The following DPH7 variants were observed in gnomAD, a reference collection of about 807,000 sequenced individuals.
DPH7 encodes diphthine methyltransferase.
A neutral mutation model predicts 41.7 loss-of-function variants in DPH7; 44 were observed. The ratio of observed to expected loss-of-function variants is 1.05; its 90% CI spans 0.83 to 1.36. The LOEUF (loss-of-function observed/expected upper bound fraction) is 1.36, where lower values mean the gene tolerates loss of function less well. Ranked by LOEUF, DPH7 falls within the 40% of genes most tolerant of loss-of-function variation. The pLI is 0.00. For missense variants in DPH7, 629 were observed against 577.5 expected (o/e 1.09, Z -0.91); for synonymous variants, 275 against 238.0 (o/e 1.16, Z -1.43).
Position 137,574,263 on chromosome 9 carries a change from T to C in DPH7, c.585A>G (p.Gln195=), listed in dbSNP as rs777710974. The C allele has an allele frequency of 6.2e-6, 10 of 1,614,148 alleles. No homozygotes were observed. The highest frequency in any genetic ancestry group is 1.3e-5 in the African/African-American group (1 of 75,046). Residue 195 remains glutamine, a synonymous_variant, in exon 5 of 9, where the codon CAA becomes CAG. Transcript: ENST00000277540. Reference sequence around the variant, plus strand: ...TGAAAGCAGCAATCCAGGCCTCGAATTGATGTGCCTGCCATGAGGCCACTT... The same window carrying C: ...TGAAAGCAGCAATCCAGGCCTCGAACTGATGTGCCTGCCATGAGGCCACTT... ...LQKVASWQAH[Q]FEAWIAAFNY...
rs776378756 is a variant in DPH7 at position 137,577,521 on chromosome 9, G to A, written c.236C>T (p.Pro79Leu). 1.2e-6 allele frequency: 2 copies of A among 1,614,072 alleles called. No individual in the cohort carries two copies. The highest frequency in any genetic ancestry group is 1.7e-5 in the Admixed American group (1 of 60,030). ...YSFNDNNSIH[P>L]LVEVQRKDTS... Reference sequence around the variant, plus strand: ...ATCTTTTCTTTGGACCTCGACCAGAGGGTGAATAGAGTTGTTGTCATTGAA... The same window carrying A: ...ATCTTTTCTTTGGACCTCGACCAGAAGGTGAATAGAGTTGTTGTCATTGAA... Residue 79 changes from proline to leucine, a missense_variant, in exon 2 of 9, where the codon CCT (proline) becomes CTT (leucine). Transcript: ENST00000277540.
intron 4 of DPH7, 129 bp from the exon 5 acceptor site, chr9:137,574,509 G>A (rs1235077678): frequency 9.9e-6 from 10 of 1,013,944 alleles, no homozygotes; most frequent in Admixed American, 8.0e-5. Context: ...AGAGACTGGC[G>A]GCTAAGATCA....
chr9:137,568,971 G>A (rs906504529), intron 5 of DPH7, among the ~76,000 whole-genome samples: 13 of 152,204 alleles, frequency 8.5e-5, no homozygotes, highest in Admixed American at 5.2e-4. Flanking sequence ...TCCACACCAT[G>A]CACCTGAAAG....
At chr9:137,559,216 G>C (rs1218423887) in intron 8 of DPH7, among the ~76,000 whole-genome samples, 1 of 152,180 alleles carries the variant, frequency 6.6e-6, no homozygotes, top group African/African-American at 2.4e-5. Context: ...TAGGAGCTGA[G>C]GGGACATAGT....
intron 2 of DPH7, 142 bp from the exon 3 acceptor site, chr9:137,576,309 CT>C (rs1201544830): frequency 1.5e-6 from 1 of 673,404 alleles, no homozygotes; most frequent in Non-Finnish European, 2.6e-6. Flanking sequence ...TACTACACAC[CT>C]TGATTATATG....
intron 6 of DPH7, 58 bp from the exon 7 acceptor site, chr9:137,565,016 G>A (rs893727225): frequency 1.2e-5 from 20 of 1,609,306 alleles, no homozygotes; most frequent in South Asian, 7.7e-5. Context: ...CCCAGGGAAC[G>A]GGAGGGCTGG....
At chr9:137,568,897 A>G (rs1839897691) in intron 5 of DPH7, among the ~76,000 whole-genome samples, 1 of 152,132 alleles carries the variant, frequency 6.6e-6, no homozygotes, top group East Asian at 1.9e-4. Flanking sequence ...GCTTCTAAGA[A>G]GAAGAGTTGC....
chr9:137,563,350 G>A (rs1838950512), intron 8 of DPH7, among the ~76,000 whole-genome samples: 1 of 151,938 alleles, frequency 6.6e-6, no homozygotes, highest in South Asian at 2.1e-4. Flanking sequence ...GACCAACATG[G>A]TGAACCCCCC....
chr9:137,571,195 T>A lies in DPH7; in HGVS notation c.640+3013A>T, dbSNP rs182521367. On this transcript the variant is annotated intron_variant, in intron 5 of 8. Transcript: ENST00000277540. ...TCAAAATGTATTTATATAAATAAATTTTTTTTTTTTGAGACAGAGCCTTGC... is the reference window on the plus strand; with the variant it reads ...TCAAAATGTATTTATATAAATAAATATTTTTTTTTTGAGACAGAGCCTTGC... Among the ~76,000 whole-genome samples, 244 of 150,460 alleles carry A rather than the reference T, an allele frequency of 1.6e-3. 1 individual carries two copies. Among genetic ancestry groups the A allele is most frequent in the African/African-American group, 5.4e-3 (220 of 40,994 alleles).
At chr9:137,568,584 T>C (rs1310743964) in intron 5 of DPH7, among the ~76,000 whole-genome samples, 2 of 151,256 alleles carry the variant, frequency 1.3e-5, no homozygotes, top group Non-Finnish European at 3.0e-5. Context: ...CCGGGGTGAC[T>C]CTGTCTGTGA....
At chr9:137,577,856 C>T (rs1013239310) in intron 1 of DPH7, 25 of 720,004 alleles carry the variant, frequency 3.5e-5, no homozygotes, top group Admixed American at 2.5e-4. Flanking sequence ...AACCACAGAA[C>T]CCAGTTTGCC....
chr9:137,565,361 G>A (rs1839477043), intron 5 of DPH7: 16 of 175,402 alleles, frequency 9.1e-5, no homozygotes, highest in Admixed American at 1.8e-4. Flanking sequence ...GCTCCCCTGG[G>A]TGACTCTGTC....
chr9:137,558,962 G>A (rs1838020523), intron 8 of DPH7, among the ~76,000 whole-genome samples: 1 of 152,136 alleles, frequency 6.6e-6, no homozygotes, highest in African/African-American at 2.4e-5. Context: ...GGCCTTGAAT[G>A]TCTTTAATAC....
In DPH7 at chr9:137,578,721, C is replaced by T. The variant is rs1163560215; in HGVS notation, c.57G>A (p.Val19=). Residue 19 remains valine, a synonymous_variant, in exon 1 of 9, where the codon GTG becomes GTA. Transcript: ENST00000277540. ...TVDTELTADS[V]EWCPLQGCRH... ...TGCAGCCTTGCAGCGGGCACCACTC[C>T]ACCGAGTCCGCGGTCAGCTCGGTGT... is the stretch of plus-strand genomic sequence containing the variant. 1 of 1,529,722 alleles carries T rather than the reference C, an allele frequency of 6.5e-7. No individual in the cohort carries two copies. Among genetic ancestry groups the T allele is most frequent in the African/African-American group, 1.4e-5 (1 of 70,048 alleles). 94.8% of individuals were successfully genotyped at this position (1,529,722 alleles called of 1,614,324 possible).
chr9:137,575,960 T>C (rs1564467929), intron 3 of DPH7, 120 bp downstream of exon 3: 2 of 1,541,952 alleles, frequency 1.3e-6, no homozygotes, highest in Admixed American at 1.9e-5. Flanking sequence ...AGAACGTTTA[T>C]ATATAGCTCA....
intron 5 of DPH7, among the ~76,000 whole-genome samples, chr9:137,571,424 A>G (rs1840412035): frequency 6.6e-6 from 1 of 152,038 alleles, no homozygotes; most frequent in South Asian, 2.1e-4. Flanking sequence ...TGACCTCATG[A>G]TCCGCCCATC....
rs777548711 is a variant in DPH7, at chr9:137,564,997, A to G, written c.711-39T>C. ...CGGCTTCTGAACCAGTGTCCAGCAC[A>G]CAGACCCACCCAGGGAACGGGAGGG... On this transcript the variant is annotated intron_variant, in intron 6 of 8. Coordinates refer to ENST00000277540, the MANE Select transcript of DPH7 (RefSeq NM_138778.5). The G allele has an allele frequency of 1.9e-6, 3 of 1,603,514 alleles. No individual in the cohort carries two copies. The African/African-American group carries it at 4.0e-5, about 21-fold the overall frequency.
intron 5 of DPH7, among the ~76,000 whole-genome samples, chr9:137,573,826 G>A (rs149793043): frequency 3.8e-3 from 578 of 152,188 alleles, no homozygotes; most frequent in Middle Eastern, 0.01. Context: ...CCAACACTTT[G>A]GGAGGCTGAG....
intron 5 of DPH7, among the ~76,000 whole-genome samples, chr9:137,571,939 T>C (rs1328761987): frequency 6.6e-6 from 1 of 152,202 alleles, no homozygotes; most frequent in East Asian, 1.9e-4. Flanking sequence ...TATTCAATCA[T>C]TGCCCTACGG....
Sources: allele counts gnomAD v4.1 joint callset (sites outside exome capture counted in the v4.1 genomes callset), GRCh38; gene constraint gnomAD v4.1.1; transcripts MANE v1.5; gene names NCBI Gene and HGNC (gene_info 2026-07-23, HGNC 2026-07-21).